The following SMC1B variants were observed in gnomAD, a reference collection of about 807,000 sequenced individuals.
The protein encoded by SMC1B is structural maintenance of chromosomes protein 1B.
In SMC1B, 60 loss-of-function variants were observed where a neutral mutation model predicts 157.9. The observed-to-expected ratio is 0.38, with a 90% CI of 0.31 to 0.47. SMC1B has a LOEUF of 0.47. SMC1B is among the 20% of genes least tolerant of loss of function. SMC1B has a pLI of 0.99. For missense variants in SMC1B, 1,165 were observed against 1,426.2 expected (o/e 0.82, Z 2.95); for synonymous variants, 445 against 483.0 (o/e 0.92, Z 1.03).
chr22:45,345,972 G>C (rs1158013630), intron 23 of SMC1B, among the ~76,000 whole-genome samples: 16 of 151,570 alleles, frequency 1.1e-4, no homozygotes, highest in Admixed American at 8.6e-4. Flanking sequence ...GGGAGGCTGA[G>C]GCAGGCGGAT....
At chr22:45,350,721 G>A (rs962857707) in intron 22 of SMC1B, among the ~76,000 whole-genome samples, 3 of 152,146 alleles carry the variant, frequency 2.0e-5, no homozygotes, top group African/African-American at 7.2e-5. Context: ...CTCCATCTCA[G>A]TTAATGGCAG....
intron 5 of SMC1B, 57 bp downstream of exon 5, chr22:45,402,276 T>C: frequency 9.0e-7 from 1 of 1,108,702 alleles, no homozygotes; most frequent in Non-Finnish European, 1.3e-6. Context: ...ACTTATATTA[T>C]TCCCTCTATC....
rs370123623 is a variant in SMC1B, at chr22:45,399,219, T to C, written c.989A>G (p.Glu330Gly). 5.0e-6 allele frequency: 8 copies of C among 1,614,050 alleles called. No homozygotes were observed. In the African/African-American group the frequency reaches 1.1e-4, roughly 22 times the overall value. ...TGTCTCCAGGGCTTTTATATCATCTTCCTGTTTAGAACATTGTTTTTCGCT... is the reference window on the plus strand; with the variant it reads ...TGTCTCCAGGGCTTTTATATCATCTCCCTGTTTAGAACATTGTTTTTCGCT... The part of the protein sequence containing the change: ...KDSEKQCSKQ[E>G]DDIKALETEL... Residue 330 changes from glutamate (E) to glycine (G), a missense_variant, in exon 6 of 25, where the codon GAA becomes GGA. Physicochemically the swap from Glu to Gly is moderately conservative, Grantham distance 98 (BLOSUM62 -2). Transcript: ENST00000357450.
chr22:45,405,934 T>G (rs2087254419), intron 4 of SMC1B, among the ~76,000 whole-genome samples: 1 of 152,196 alleles, frequency 6.6e-6, no homozygotes, highest in Non-Finnish European at 1.5e-5. Flanking sequence ...TTAAGGAAAT[T>G]ATAAAAGTGG....
intron 23 of SMC1B, among the ~76,000 whole-genome samples, chr22:45,349,343 T>G (rs888166757): frequency 4.2e-5 from 6 of 144,308 alleles, no homozygotes; most frequent in African/African-American, 1.6e-4. Context: ...TTTTGTTTTG[T>G]TTTGTTTTTT....
At chr22:45,402,249 T>C in intron 5 of SMC1B, 84 bp downstream of exon 5, 1 of 956,528 alleles carries the variant, frequency 1.0e-6, no homozygotes, top group South Asian at 1.6e-5. Flanking sequence ...ATTTTTAAAA[T>C]CAATTTTCAA....
intron 21 of SMC1B, 55 bp downstream of exon 21, chr22:45,353,923 A>AAAAACC: frequency 9.6e-7 from 1 of 1,036,886 alleles, no homozygotes; most frequent in Non-Finnish European, 1.4e-6. Context: ...AAAAAAAACA[A>AAAAACC]CCACCACCGG....
chr22:45,381,859 A>G lies in SMC1B; in HGVS notation c.2058+1608T>C, dbSNP rs533711877. Among the ~76,000 whole-genome samples the G allele has an allele frequency of 3.3e-5, 5 of 152,380 alleles. No homozygotes were observed. The East Asian group carries it at 7.7e-4, about 23-fold the overall frequency. ...TTCAGAAAAAGATGAAAATTAGTCA[A>G]GTAACCTTGCCAAAATATATGCTTG... On this transcript the variant is annotated intron_variant, in intron 12 of 24. Coordinates refer to ENST00000357450, the MANE Select transcript of SMC1B (RefSeq NM_148674.5).
intron 19 of SMC1B, 149 bp from the exon 20 acceptor site, chr22:45,355,264 G>A: frequency 1.4e-6 from 1 of 712,890 alleles, no homozygotes; most frequent in South Asian, 1.9e-5. Flanking sequence ...TGGAGGTGCA[G>A]TCCTGCTGCA....
rs190869436 is a variant in SMC1B at position 45,383,957 on chromosome 22, A to T, written c.1912-344T>A. On this transcript the variant is annotated intron_variant, in intron 11 of 24. Transcript: ENST00000357450. ...ATACATGTAAGCTAATCTACATGCT[A>T]AGTTCCTCAAATGTACAAGTGAGAT... Among the ~76,000 whole-genome samples, 13 of 152,306 alleles carry T rather than the reference A, an allele frequency of 8.5e-5. No individual in the cohort carries two copies. The East Asian group carries it at 2.5e-3, about 29-fold the overall frequency.
At chr22:45,406,434 A>G in intron 4 of SMC1B, 26 bp downstream of exon 4, 1 of 1,581,946 alleles carries the variant, frequency 6.3e-7, no homozygotes, top group Non-Finnish European at 8.6e-7. Context: ...CCAACAACTA[A>G]TGGTTACATC....
chr22:45,362,855 G>A, intron 16 of SMC1B, 30 bp downstream of exon 16: 1 of 1,563,312 alleles, frequency 6.4e-7, no homozygotes, highest in Non-Finnish European at 8.7e-7. Context: ...TTTCAATGAA[G>A]AGGCACTTCA....
At position 45,365,962 on chromosome 22, in the gene SMC1B, AATCT is replaced by A. The variant is rs538260566; in HGVS notation, c.2421-2940_2421-2937del. Among the ~76,000 whole-genome samples the A allele has an allele frequency of 1.1e-4, 16 of 152,216 alleles. No homozygotes were observed. In the East Asian group the frequency reaches 2.9e-3, roughly 28 times the overall value. ...ATTTTGAAGGTATCAATTCTCCACA[AATCT>A]ATCAATCCAATGCAATCTCAATTAG... On this transcript the variant is annotated intron_variant, in intron 15 of 24. Coordinates refer to ENST00000357450, the MANE Select transcript of SMC1B (RefSeq NM_148674.5).
chr22:45,367,273 C>T (rs1252597257), intron 15 of SMC1B, among the ~76,000 whole-genome samples: 1 of 152,056 alleles, frequency 6.6e-6, no homozygotes, highest in Non-Finnish European at 1.5e-5. Context: ...TTGCAATATA[C>T]CTGTTGGGTA....
chr22:45,363,068 C>T (rs2086737340), intron 15 of SMC1B, 42 bp from the exon 16 acceptor site: 10 of 1,363,864 alleles, frequency 7.3e-6, no homozygotes, highest in Non-Finnish European at 9.9e-6. Context: ...AAACAGAAAA[C>T]TTTGATTCCT....
In SMC1B at chr22:45,354,029, T is replaced by A; in HGVS notation, c.3222A>T (p.Ser1074=). Reference sequence around the variant, plus strand: ...TCTTGTAGATTTGATCAATTGAGATTGAGACATGCTCAAAACACTGGGTGA... The same window carrying A: ...TCTTGTAGATTTGATCAATTGAGATAGAGACATGCTCAAAACACTGGGTGA... ...DLFTQCFEHV[S]ISIDQIYKKL... is the part of the protein sequence containing the mutation. Residue 1074 remains serine, a synonymous_variant, in exon 21 of 25, where the codon TCA becomes TCT. Coordinates refer to ENST00000357450, the MANE Select transcript of SMC1B (RefSeq NM_148674.5). 6.2e-7 allele frequency: 1 copy of A among 1,602,810 alleles called. No homozygotes were observed. Among genetic ancestry groups the A allele is most frequent in the Non-Finnish European group, 8.5e-7 (1 of 1,175,968 alleles).
chr22:45,405,343 G>C (rs539026304), intron 4 of SMC1B, among the ~76,000 whole-genome samples: 2 of 151,906 alleles, frequency 1.3e-5, no homozygotes, highest in South Asian at 4.2e-4. Context: ...GGCAGATCAC[G>C]AGGTCAGGAG....
At chr22:45,361,257 G>A (rs1337488140) in intron 17 of SMC1B, among the ~76,000 whole-genome samples, 3 of 152,332 alleles carry the variant, frequency 2.0e-5, no homozygotes, top group East Asian at 1.9e-4. Context: ...AGACACCAAT[G>A]TCAAGGTAGA....
At chr22:45,407,130 C>T (rs2087271192) in intron 2 of SMC1B, among the ~76,000 whole-genome samples, 2 of 152,110 alleles carry the variant, frequency 1.3e-5, no homozygotes, top group South Asian at 4.2e-4. Flanking sequence ...GAAAATAAAT[C>T]TCAGAACCCC....
Sources: gnomAD v4.1 joint callset for allele counts (sites outside exome capture counted in the v4.1 genomes callset) on GRCh38, gnomAD v4.1.1 for gene constraint, MANE v1.5 for transcripts, NCBI Gene and HGNC (gene_info 2026-07-23, HGNC 2026-07-21) for gene names.